Variants in RFXANK observed in about 807,000 individuals in gnomAD.
The protein encoded by RFXANK is DNA-binding protein RFXANK.
In RFXANK, 19 loss-of-function variants were observed where a neutral mutation model predicts 34.5. The observed-to-expected ratio is 0.55, with a 90% CI of 0.38 to 0.81. RFXANK has a LOEUF of 0.81. Ranked by LOEUF, RFXANK falls within the 30% of genes least tolerant of loss-of-function variation. RFXANK has a pLI of 0.00. For synonymous variants in RFXANK, 154 were observed against 149.8 expected (o/e 1.03, Z -0.20); for missense variants, 295 against 343.5 (o/e 0.86, Z 1.12).
rs559367724 is a variant in RFXANK, at chr19:19,194,028, G to A, written c.82G>A (p.Gly28Arg). 1.8e-5 allele frequency: 29 copies of A among 1,614,134 alleles called. No individual in the cohort carries two copies. The East Asian group carries it at 4.2e-4, about 24-fold the overall frequency. Reference protein sequence around the residue: ...ASELGDPEDPGEEAADGSDTV... With the variant: ...ASELGDPEDPREEAADGSDTV... ...AGAACTTGGGGACCCTGAAGACCCCGGAGAGGAGGCTGCAGATGGCTCAGA... is the reference window on the plus strand; with the variant it reads ...AGAACTTGGGGACCCTGAAGACCCCAGAGAGGAGGCTGCAGATGGCTCAGA... Residue 28 changes from glycine to arginine, a missense_variant, in exon 3 of 10, where the codon GGA becomes AGA. Physicochemically the swap from Gly to Arg is moderately radical, Grantham distance 125. Coordinates refer to ENST00000303088, the MANE Select transcript of RFXANK (RefSeq NM_003721.4).
In RFXANK at chr19:19,193,562, C is replaced by G. The variant is rs186973196; in HGVS notation, c.-8-377C>G. On this transcript the variant is annotated intron_variant, in intron 2 of 9. Transcript: ENST00000303088. ...TCCCGAGTAGCTGGGATCACAGGCG[C>G]CCGCCACCGCGCTTGGCTAATTTTT... 4.0e-3 allele frequency among the ~76,000 whole-genome samples: 611 copies of G among 151,948 alleles called. 4 individuals are homozygous for G. Among genetic ancestry groups the G allele is most frequent in the African/African-American group, 0.014 (576 of 41,448 alleles).
Position 19,192,369 on chromosome 19 carries a change from CAGG to C in RFXANK, c.-332_-330del. On this transcript the variant is annotated 5_prime_UTR_variant, in exon 1 of 10. Coordinates refer to ENST00000303088, the MANE Select transcript of RFXANK (RefSeq NM_003721.4). Reference sequence around the variant, plus strand: ...GGAGGCTGGTGGAGCGACACCCAGGCAGGAGAGGGGGAAGAACTCTCTCCCTTT... The same window carrying C: ...GGAGGCTGGTGGAGCGACACCCAGGCAGAGGGGGAAGAACTCTCTCCCTTT... 1.7e-6 allele frequency: 1 copy of C among 585,236 alleles called. No individual in the cohort carries two copies. The highest frequency in any genetic ancestry group is 3.0e-6 in the Non-Finnish European group (1 of 328,326). 36.3% of individuals were successfully genotyped at this position (585,236 alleles called of 1,614,324 possible).
chr19:19,198,793 A>G, intron 8 of RFXANK, 70 bp downstream of exon 8: 3 of 1,458,114 alleles, frequency 2.1e-6, no homozygotes, highest in Non-Finnish European at 2.9e-6. Context: ...TCCTGAGGGC[A>G]GGGAGACGCC....
Position 19,192,290 on chromosome 19 carries a change from C to A in RFXANK, c.-414C>A. ...GACAAGAAAGGGGCTGTGTGAGACG[C>A]AGGGAAGGAGGCACACCCGGGGGTG... On this transcript the variant is annotated 5_prime_UTR_variant, in exon 1 of 10. Coordinates refer to ENST00000303088, the MANE Select transcript of RFXANK (RefSeq NM_003721.4). 1 of 859,082 alleles carries A rather than the reference C, an allele frequency of 1.2e-6. No homozygotes were observed. The highest frequency in any genetic ancestry group is 1.8e-6 in the Non-Finnish European group (1 of 564,472). The allele number at this position is 859,082 out of a possible 1,614,324, so 53.2% of individuals were successfully genotyped here.
rs751594870 is a variant in RFXANK at position 19,198,143 on chromosome 19, A to C, written c.475A>C (p.Ser159Arg). The C allele has an allele frequency of 1.2e-6, 2 of 1,614,002 alleles. No homozygotes were observed. The highest frequency in any genetic ancestry group is 1.1e-5 in the South Asian group (1 of 91,080). The change falls in exon 7 of 10, where the codon AGC becomes CGC. Residue 159 changes from serine (S) to arginine (R), a missense_variant. Ser to Arg is a moderately radical substitution (Grantham distance 110, BLOSUM62 -1). Transcript: ENST00000303088. ...DPHILAKERE[S>R]ALSLASTGGY... ...CCACATCCTGGCAAAAGAGCGAGAG[A>C]GCGCCCTGTCGCTGGCCAGCACAGG...
intron 3 of RFXANK, among the ~76,000 whole-genome samples, chr19:19,195,086 G>C (rs1014313364): frequency 1.5e-5 from 2 of 134,646 alleles, no homozygotes; most frequent in African/African-American, 5.7e-5. Flanking sequence ...GTCTCGCTCT[G>C]TCGCCCAGGC....
At chr19:19,198,969 A>G (rs1187496563) in intron 8 of RFXANK, 185 bp from the exon 9 acceptor site, 2 of 763,022 alleles carry the variant, frequency 2.6e-6, no homozygotes, top group South Asian at 2.9e-5. Context: ...GAGACCCTTC[A>G]GCCACGTTCT....
intron 3 of RFXANK, among the ~76,000 whole-genome samples, chr19:19,195,867 C>T (rs1014133414): frequency 6.6e-6 from 1 of 151,618 alleles, no homozygotes; most frequent in Non-Finnish European, 1.5e-5. Context: ...CTCAGCCTCC[C>T]GAGTAGCTGG....
In RFXANK at chr19:19,192,509, CT is replaced by C; in HGVS notation, c.-192del. On this transcript the variant is annotated 5_prime_UTR_variant, in exon 1 of 10. Coordinates refer to ENST00000303088, the MANE Select transcript of RFXANK (RefSeq NM_003721.4). ...TCTGCCCCCGCCCTTGCTTATAAGCCTTTGAGACCGCAGAAGGGACCTTGTT... is the reference window on the plus strand; with the variant it reads ...TCTGCCCCCGCCCTTGCTTATAAGCCTTGAGACCGCAGAAGGGACCTTGTT... 1 of 253,106 alleles carries C rather than the reference CT, an allele frequency of 4.0e-6. No homozygotes were observed. The highest frequency in any genetic ancestry group is 9.4e-5 in the East Asian group (1 of 10,600). The allele number at this position is 253,106 out of a possible 1,614,324, so 15.7% of individuals were successfully genotyped here.
At chr19:19,198,748 T>TG in intron 8 of RFXANK, 25 bp downstream of exon 8, 1 of 1,612,734 alleles carries the variant, frequency 6.2e-7, no homozygotes, top group Non-Finnish European at 8.5e-7. Context: ...GGAGTGGCCC[T>TG]GGGGGCCCCA....
intron 7 of RFXANK, 125 bp downstream of exon 7, chr19:19,198,357 C>G: frequency 7.0e-7 from 1 of 1,421,854 alleles, no homozygotes; most frequent in Non-Finnish European, 9.7e-7. Flanking sequence ...CAGCCCCATT[C>G]CCAGCCTCAC....
At chr19:19,201,087 C>T (rs1376611147) in intron 9 of RFXANK, among the ~76,000 whole-genome samples, 1 of 152,156 alleles carries the variant, frequency 6.6e-6, no homozygotes, top group East Asian at 1.9e-4. Flanking sequence ...GCATGAGCCA[C>T]CACACCCGGC....
Position 19,197,252 on chromosome 19 carries a change from G to T in RFXANK, c.337+1G>T. 1 of 1,612,652 alleles carries T rather than the reference G, an allele frequency of 6.2e-7. No homozygotes were observed. Among genetic ancestry groups the T allele is most frequent in the Non-Finnish European group, 8.5e-7 (1 of 1,180,002 alleles). ...CAGCTGAAGGAGCATTTGCGGAAAG[G>T]TGCGTGTCCACACACATGTGCTGGC... On this transcript the variant is annotated splice_donor_variant, in intron 5 of 9. Coordinates refer to ENST00000303088, the MANE Select transcript of RFXANK (RefSeq NM_003721.4). LOFTEE classifies it high-confidence loss of function.
chr19:19,192,273 A>G lies in RFXANK; in HGVS notation c.-431A>G, dbSNP rs2060494839. The G allele has an allele frequency of 9.9e-7, 1 of 1,012,864 alleles. No homozygotes were observed. Among genetic ancestry groups the G allele is most frequent in the South Asian group, 1.5e-5 (1 of 66,520 alleles). The allele number at this position is 1,012,864 out of a possible 1,614,324, so 62.7% of individuals were successfully genotyped here. A position where few individuals can be genotyped will look rare whatever the true frequency, so the allele number is the denominator to read the frequency against. On this transcript the variant is annotated 5_prime_UTR_variant, in exon 1 of 10. Transcript: ENST00000303088. ...GCTCCTCAGTCTTTGCGGACAAGAA[A>G]GGGGCTGTGTGAGACGCAGGGAAGG...
chr19:19,197,961 G>A (rs1304105254), intron 6 of RFXANK, 146 bp from the exon 7 acceptor site: 29 of 1,114,320 alleles, frequency 2.6e-5, no homozygotes, highest in Non-Finnish European at 3.5e-5. Context: ...GCAGTGAGCC[G>A]AGATTGCGCC....
chr19:19,201,659 G>C lies in RFXANK; in HGVS notation c.723G>C (p.Val241=). 2 of 1,614,112 alleles carry C rather than the reference G, an allele frequency of 1.2e-6. No individual in the cohort carries two copies. Among genetic ancestry groups the C allele is most frequent in the Non-Finnish European group, 1.7e-6 (2 of 1,180,034 alleles). Residue 241 remains valine, a synonymous_variant, in exon 10 of 10, where the codon GTG becomes GTC. Coordinates refer to ENST00000303088, the MANE Select transcript of RFXANK (RefSeq NM_003721.4). ...CCTGCCCCATCTCAGTGCAACAGGT[G>C]ATCGAGAACCACATCCTCAAGCTCT... The part of the protein sequence containing the change: ...VALGYRKVQQ[V]IENHILKLFQ...
At chr19:19,199,130 A>T in intron 8 of RFXANK, 24 bp from the exon 9 acceptor site, 3 of 1,611,250 alleles carry the variant, frequency 1.9e-6, no homozygotes. Context: ...CCCACCCTCC[A>T]GCGCCCTCCC....
chr19:19,196,881 A>C, intron 3 of RFXANK, 82 bp from the exon 4 acceptor site: 2 of 1,279,984 alleles, frequency 1.6e-6, no homozygotes, highest in Admixed American at 1.7e-5. Context: ...CAACAGCAAC[A>C]AAAAAAAACA....
intron 9 of RFXANK, 42 bp from the exon 10 acceptor site, chr19:19,201,607 C>T (rs368054718): frequency 1.3e-4 from 203 of 1,613,366 alleles, no homozygotes; most frequent in Non-Finnish European, 1.6e-4. Context: ...ACCCCACTCC[C>T]GATTCAAGCT....
Sources: allele counts gnomAD v4.1 joint callset (sites outside exome capture counted in the v4.1 genomes callset), GRCh38; gene constraint gnomAD v4.1.1; transcripts MANE v1.5; gene names NCBI Gene and HGNC (gene_info 2026-07-23, HGNC 2026-07-21).